Variants in NOS1AP observed in about 807,000 individuals in gnomAD.
The protein encoded by NOS1AP is carboxyl-terminal PDZ ligand of neuronal nitric oxide synthase protein.
NOS1AP carries 21 observed loss-of-function variants against 56.2 expected under a neutral mutation model. The observed-to-expected ratio is 0.37, with a 90% CI of 0.26 to 0.54. NOS1AP has a LOEUF of 0.54. Ranked by LOEUF, NOS1AP falls within the 20% of genes least tolerant of loss-of-function variation. NOS1AP has a pLI of 0.84. For missense variants in NOS1AP, 522 were observed against 657.8 expected (o/e 0.79, Z 2.26); for synonymous variants, 270 against 274.6 (o/e 0.98, Z 0.17).
At chr1:162,145,571 T>C (rs868723236) in intron 1 of NOS1AP, among the ~76,000 whole-genome samples, 1 of 152,194 alleles carries the variant, frequency 6.6e-6, no homozygotes, top group Non-Finnish European at 1.5e-5. Flanking sequence ...ACTTTCACCC[T>C]GGTCACATTC....
intron 1 of NOS1AP, among the ~76,000 whole-genome samples, chr1:162,100,301 C>G (rs1692353583): frequency 6.6e-6 from 1 of 151,894 alleles, no homozygotes; most frequent in Admixed American, 6.5e-5. Flanking sequence ...CCTGTTGTTT[C>G]CTGACTTTTT....
intron 2 of NOS1AP, among the ~76,000 whole-genome samples, chr1:162,273,459 C>T (rs997392330): frequency 6.6e-6 from 1 of 152,186 alleles, no homozygotes; most frequent in Non-Finnish European, 1.5e-5. Flanking sequence ...GCCACCGCGC[C>T]CGGCCGAAGC....
At chr1:162,266,728 C>T (rs1654436102) in intron 2 of NOS1AP, among the ~76,000 whole-genome samples, 1 of 152,162 alleles carries the variant, frequency 6.6e-6, no homozygotes, top group South Asian at 2.1e-4. Flanking sequence ...CTGCTGAATG[C>T]TAGCTTTCTG....
chr1:162,107,544 A>G (rs1281118452), intron 1 of NOS1AP, among the ~76,000 whole-genome samples: 2 of 152,084 alleles, frequency 1.3e-5, no homozygotes, highest in Non-Finnish European at 2.9e-5. Context: ...GGGTCTTGTT[A>G]TGGTGCCCAG....
intron 1 of NOS1AP, among the ~76,000 whole-genome samples, chr1:162,143,237 C>T (rs532683008): frequency 1.6e-4 from 25 of 152,140 alleles, no homozygotes; most frequent in South Asian, 1.5e-3. Flanking sequence ...TCACCACTTC[C>T]GTCTTCACTC....
chr1:162,296,854 T>C (rs2101749608), intron 3 of NOS1AP, among the ~76,000 whole-genome samples: 1 of 152,320 alleles, frequency 6.6e-6, no homozygotes, highest in South Asian at 2.1e-4. Flanking sequence ...TCCCTCAGTG[T>C]TGCCACCAGT....
chr1:162,124,489 T>C (rs1648389093), intron 1 of NOS1AP, among the ~76,000 whole-genome samples: 2 of 3,406 alleles, frequency 5.9e-4, no homozygotes, highest in Non-Finnish European at 1.0e-3. Context: ...TAGTATTCCA[T>C]GGTGTGTGTG....
At chr1:162,273,599 A>G (rs567355296) in intron 2 of NOS1AP, among the ~76,000 whole-genome samples, 130 of 152,222 alleles carry the variant, frequency 8.5e-4, no homozygotes, top group African/African-American at 3.1e-3. Flanking sequence ...CATTCACTCC[A>G]CCTGAGGAGG....
At chr1:162,307,507 A>G (rs990162424) in intron 4 of NOS1AP, among the ~76,000 whole-genome samples, 1 of 152,234 alleles carries the variant, frequency 6.6e-6, no homozygotes, top group African/African-American at 2.4e-5. Flanking sequence ...GACATGATTA[A>G]GAATTAGAAG....
intron 1 of NOS1AP, among the ~76,000 whole-genome samples, chr1:162,144,928 CTG>C (rs1392633419): frequency 6.6e-6 from 1 of 152,200 alleles, no homozygotes; most frequent in East Asian, 1.9e-4. Context: ...TTGGATCGTT[CTG>C]TCTTACCCTC....
rs1651713614 is a variant in NOS1AP at position 162,193,658 on chromosome 1, T to A, written c.177+39182T>A. 2.0e-5 allele frequency among the ~76,000 whole-genome samples: 3 copies of A among 152,166 alleles called. 1 individual carries two copies. The highest frequency in any genetic ancestry group is 1.3e-4 in the Admixed American group (2 of 15,270). ...TGGTTTCCATCTGTATTTAGTTGGA[T>A]TGTCTGTTCCCTTCTCTTCTGACAA... On this transcript the variant is annotated intron_variant, in intron 2 of 9. Transcript: ENST00000361897.
chr1:162,154,048 T>C (rs547673919), intron 1 of NOS1AP, among the ~76,000 whole-genome samples: 2 of 152,016 alleles, frequency 1.3e-5, no homozygotes, highest in East Asian at 3.9e-4. Context: ...TGATCTTTAC[T>C]GAGAGCCAAT....
intron 1 of NOS1AP, among the ~76,000 whole-genome samples, chr1:162,114,504 A>G (rs377644004): frequency 3.9e-5 from 6 of 152,286 alleles, no homozygotes; most frequent in African/African-American, 1.4e-4. Flanking sequence ...CCTTAATCAC[A>G]TCTGCAAAAT....
intron 2 of NOS1AP, among the ~76,000 whole-genome samples, chr1:162,230,063 G>A (rs976018156): frequency 1.3e-5 from 2 of 152,198 alleles, no homozygotes; most frequent in Non-Finnish European, 2.9e-5. Context: ...CCCTAGGGCT[G>A]AGTGAGAGTG....
In NOS1AP at chr1:162,070,110, C is replaced by CCCCGGGGTCTCGCCAGCCCCTT. The variant is rs1691628473; in HGVS notation, c.-65_-44dup. On this transcript the variant is annotated 5_prime_UTR_variant, in exon 1 of 10. Transcript: ENST00000361897. ...GCCGCGCCCAGCTCCAGTCTCCCCTCCCCGGGGTCTCGCCAGCCCCTTCCT... is the reference window on the plus strand; with the variant it reads ...GCCGCGCCCAGCTCCAGTCTCCCCTCCCCGGGGTCTCGCCAGCCCCTTCCCGGGGTCTCGCCAGCCCCTTCCT... 2 of 1,305,416 alleles carry CCCCGGGGTCTCGCCAGCCCCTT rather than the reference C, an allele frequency of 1.5e-6. No homozygotes were observed. The highest frequency in any genetic ancestry group is 2.9e-5 in the African/African-American group (2 of 68,346). 80.9% of individuals were successfully genotyped at this position (1,305,416 alleles called of 1,614,324 possible). A position where few individuals can be genotyped will look rare whatever the true frequency, so the allele number is the denominator to read the frequency against.
chr1:162,177,645 C>T (rs1651111171), intron 2 of NOS1AP, among the ~76,000 whole-genome samples: 1 of 152,248 alleles, frequency 6.6e-6, no homozygotes, highest in South Asian at 2.1e-4. Context: ...TTTATTTAAA[C>T]ATTTTTAACT....
intron 4 of NOS1AP, chr1:162,317,051 A>C (rs1656251925): frequency 6.6e-6 from 1 of 152,418 alleles, no homozygotes; most frequent in Admixed American, 6.5e-5. Context: ...GCCATCATAA[A>C]GGGTAAATGT....
chr1:162,086,318 C>T (rs1049749765), intron 1 of NOS1AP, among the ~76,000 whole-genome samples: 37 of 152,208 alleles, frequency 2.4e-4, no homozygotes, highest in Non-Finnish European at 8.8e-5. Flanking sequence ...ACTGCAGGCA[C>T]GAGGTGGTAG....
chr1:162,323,545 G>C (rs1656483804), intron 4 of NOS1AP, among the ~76,000 whole-genome samples: 1 of 152,232 alleles, frequency 6.6e-6, no homozygotes, highest in Non-Finnish European at 1.5e-5. Context: ...CAGTTGTTGT[G>C]AGGATTAGAT....
Sources: allele counts gnomAD v4.1 joint callset (sites outside exome capture counted in the v4.1 genomes callset), GRCh38; gene constraint gnomAD v4.1.1; transcripts MANE v1.5; gene names NCBI Gene and HGNC (gene_info 2026-07-23, HGNC 2026-07-21).